Variants in KIAA1217 observed in about 807,000 individuals in gnomAD.
The protein encoded by KIAA1217 is KIAA1217, also known as sickle tail protein homolog.
Under a neutral mutation model 163.9 loss-of-function variants are expected in KIAA1217, and 88 were observed. The observed-to-expected ratio is 0.54, with a 90% CI of 0.45 to 0.64. KIAA1217 has a LOEUF of 0.64. Ranked by LOEUF, KIAA1217 falls within the 30% of genes least tolerant of loss-of-function variation. The probability of loss-of-function intolerance (pLI) is 0.00; values close to 1 mark genes in which losing one functional copy is unlikely to be tolerated. For synonymous variants in KIAA1217, 903 were observed against 923.1 expected (o/e 0.98, Z 0.39); for missense variants, 2,372 against 2,475.0 (o/e 0.96, Z 0.88).
chr10:24,156,642 C>G (rs560021731), intron 2 of KIAA1217, among the ~76,000 whole-genome samples: 5 of 152,156 alleles, frequency 3.3e-5, no homozygotes, highest in Non-Finnish European at 5.9e-5. Flanking sequence ...TGATCAGACT[C>G]TTACACTCTG....
At chr10:24,381,141 C>T in intron 3 of KIAA1217, 74 bp downstream of exon 3, 1 of 1,071,138 alleles carries the variant, frequency 9.3e-7, no homozygotes, top group Non-Finnish European at 1.3e-6. Flanking sequence ...TGAACCTATA[C>T]TCTTTCATTC....
chr10:24,020,659 G>A (rs975981997), intron 2 of KIAA1217, among the ~76,000 whole-genome samples: 4 of 152,026 alleles, frequency 2.6e-5, no homozygotes, highest in African/African-American at 9.7e-5. Flanking sequence ...CGCTTGAGGT[G>A]TTTGAGTACA....
intron 2 of KIAA1217, among the ~76,000 whole-genome samples, chr10:24,069,096 A>G (rs1255955726): frequency 1.3e-5 from 2 of 152,194 alleles, no homozygotes; most frequent in Non-Finnish European, 2.9e-5. Context: ...CCTGCTCTGC[A>G]TTGAGCCAGG....
chr10:24,188,523 T>C (rs1038032268), intron 2 of KIAA1217, among the ~76,000 whole-genome samples: 2 of 152,148 alleles, frequency 1.3e-5, no homozygotes, highest in Admixed American at 1.3e-4. Flanking sequence ...GTGATTATTG[T>C]ATGTGGAATT....
At chr10:23,810,258 T>A (rs1211984924) in intron 1 of KIAA1217, among the ~76,000 whole-genome samples, 1 of 150,196 alleles carries the variant, frequency 6.7e-6, no homozygotes, top group Non-Finnish European at 1.5e-5. Context: ...TCTTTCTGAC[T>A]ACCTACCTGT....
chr10:23,891,827 C>T (rs1204956776), intron 1 of KIAA1217, among the ~76,000 whole-genome samples: 1 of 151,840 alleles, frequency 6.6e-6, no homozygotes, highest in Admixed American at 6.6e-5. Flanking sequence ...AAATGAAAAA[C>T]CACAGAAATA....
chr10:24,140,727 A>G (rs1228398405), intron 2 of KIAA1217, among the ~76,000 whole-genome samples: 1 of 152,204 alleles, frequency 6.6e-6, no homozygotes, highest in Non-Finnish European at 1.5e-5. Context: ...CGGAAAGCAA[A>G]ATTGCAGATA....
At chr10:23,851,113 T>C (rs1588946932) in intron 1 of KIAA1217, among the ~76,000 whole-genome samples, 1 of 152,056 alleles carries the variant, frequency 6.6e-6, no homozygotes, top group Non-Finnish European at 1.5e-5. Context: ...GCTGCGACCA[T>C]TGACTCGTCA....
At chr10:23,898,433 C>A (rs2131236457) in intron 1 of KIAA1217, among the ~76,000 whole-genome samples, 1 of 151,972 alleles carries the variant, frequency 6.6e-6, no homozygotes, top group Admixed American at 6.6e-5. Context: ...GTACCATTTT[C>A]CATTTCACAA....
intron 17 of KIAA1217, among the ~76,000 whole-genome samples, chr10:24,539,953 A>G (rs2074758760): frequency 6.6e-6 from 1 of 152,142 alleles, no homozygotes; most frequent in African/African-American, 2.4e-5. Context: ...TTCATAATCC[A>G]AATCCCAGGG....
intron 2 of KIAA1217, among the ~76,000 whole-genome samples, chr10:24,101,523 G>A (rs754731019): frequency 1.2e-4 from 18 of 152,148 alleles, no homozygotes; most frequent in Admixed American, 5.9e-4. Flanking sequence ...TTTAATGTTT[G>A]CTGTTTTCAT....
intron 1 of KIAA1217, among the ~76,000 whole-genome samples, chr10:23,901,314 G>C (rs1406698929): frequency 6.6e-6 from 1 of 152,020 alleles, no homozygotes; most frequent in Non-Finnish European, 1.5e-5. Context: ...AACCATTTTT[G>C]TGTTAATTGT....
intron 2 of KIAA1217, among the ~76,000 whole-genome samples, chr10:24,245,940 G>T (rs2073751883): frequency 1.3e-5 from 2 of 152,060 alleles, no homozygotes. Context: ...ACCTGGCCAG[G>T]TCTCATTTTC....
intron 3 of KIAA1217, among the ~76,000 whole-genome samples, chr10:24,407,572 T>C (rs2131260089): frequency 6.6e-6 from 1 of 152,238 alleles, no homozygotes; most frequent in Middle Eastern, 3.4e-3. Flanking sequence ...TCCTAAAATC[T>C]TAGAATGATA....
chr10:23,913,173 G>T (rs1046416451), intron 1 of KIAA1217, among the ~76,000 whole-genome samples: 1 of 152,166 alleles, frequency 6.6e-6, no homozygotes, highest in African/African-American at 2.4e-5. Flanking sequence ...TGGAGACCTT[G>T]CTTTGACTGA....
At chr10:24,140,013 T>G (rs1021309639) in intron 2 of KIAA1217, among the ~76,000 whole-genome samples, 1 of 151,844 alleles carries the variant, frequency 6.6e-6, no homozygotes, top group African/African-American at 2.4e-5. Flanking sequence ...ATACTTTTTT[T>G]TTTTCCCCCT....
chr10:23,969,243 C>T (rs1589158349), intron 1 of KIAA1217, among the ~76,000 whole-genome samples: 4 of 152,188 alleles, frequency 2.6e-5, no homozygotes, highest in Admixed American at 2.6e-4. Context: ...ACCATGTTGG[C>T]CAGGCTGGTC....
At chr10:24,352,854 C>G (rs1466195353) in intron 2 of KIAA1217, among the ~76,000 whole-genome samples, 1 of 152,178 alleles carries the variant, frequency 6.6e-6, no homozygotes, top group East Asian at 1.9e-4. Context: ...TCCTAAACCC[C>G]CATGGCTTAA....
intron 1 of KIAA1217, among the ~76,000 whole-genome samples, chr10:23,824,587 C>T (rs1157596647): frequency 7.7e-6 from 1 of 129,488 alleles, no homozygotes; most frequent in Non-Finnish European, 1.6e-5. Flanking sequence ...GAGATGGCGC[C>T]ATTGCACTCC....
Sources: allele counts gnomAD v4.1 joint callset (sites outside exome capture counted in the v4.1 genomes callset), GRCh38; gene constraint gnomAD v4.1.1; transcripts MANE v1.5; gene names NCBI Gene and HGNC (gene_info 2026-07-23, HGNC 2026-07-21).